The following SLC4A11 variants were observed in gnomAD, a reference collection of about 807,000 sequenced individuals.
The protein encoded by SLC4A11 is solute carrier family 4 member 11, also known as bicarbonate transporter related protein 1.
Under a neutral mutation model 95.0 loss-of-function variants are expected in SLC4A11, and 74 were observed. That is an observed-to-expected ratio of 0.78 (90% CI 0.65 to 0.95). SLC4A11 has a LOEUF of 0.95. Among genes scored for constraint, SLC4A11 ranks in the 40% least tolerant of loss-of-function variants. The pLI is 0.00. For missense variants in SLC4A11, 1,081 were observed against 1,192.4 expected, an observed-to-expected ratio of 0.91 and a Z score of 1.38; for synonymous variants, 548 against 519.0, an observed-to-expected ratio of 1.06 and a Z score of -0.76.
Position 3,231,396 on chromosome 20 carries a change from G to A in SLC4A11, c.882C>T (p.His294=), listed in dbSNP as rs973038358. Residue 294 remains histidine (H), a synonymous_variant, in exon 8 of 20, where the codon CAC becomes CAT. Transcript: ENST00000642402. This position sits in a 1 kb window ranked among gnomAD's most constrained non-coding sequence, Gnocchi z 5.2. ...CCTTCGTTCTCGGCGCCACTGGACC[G>A]TGGCTCACCATGGTGAGCAGCTGTC... ...HQRQLLTMVS[H]GPVAPRTKER... 1.1e-5 allele frequency: 17 copies of A among 1,613,956 alleles called. No homozygotes were observed. Among genetic ancestry groups the A allele is most frequent in the South Asian group, 3.3e-5 (3 of 91,086 alleles).
Position 3,227,490 on chromosome 20 carries a change from TTC to T in SLC4A11, c.*295_*296del. The T allele has an allele frequency of 2.2e-6, 1 of 455,406 alleles. No individual in the cohort carries two copies. Among genetic ancestry groups the T allele is most frequent in the East Asian group, 4.0e-5 (1 of 24,986 alleles). 28.2% of individuals were successfully genotyped at this position (455,406 alleles called of 1,614,324 possible). A position where few individuals can be genotyped will look rare whatever the true frequency, so the allele number is the denominator to read the frequency against. ...TTCCTTACACAATCAAGGAAATGGT[TTC>T]TCTTTCAGGCATCGACTCTTTTATC... is the stretch of plus-strand genomic sequence containing the variant. On this transcript the variant is annotated 3_prime_UTR_variant, in exon 20 of 20. Coordinates refer to ENST00000642402, the MANE Select transcript of SLC4A11 (RefSeq NM_001174089.2).
chr20:3,229,044 C>T lies in SLC4A11; in HGVS notation c.2019-33G>A, dbSNP rs747264771. ...AGACGGGCACTCGTGGACAGAGCCC[C>T]ACAGCAGAGGCCCGGGCCCCGCCCA... On this transcript the variant is annotated intron_variant, in intron 16 of 19. Transcript: ENST00000642402. 2.8e-5 allele frequency: 45 copies of T among 1,599,984 alleles called. No individual in the cohort carries two copies. In the African/African-American group the frequency reaches 5.5e-4, roughly 20 times the overall value.
rs1289360238 is a variant in SLC4A11 at position 3,227,502 on chromosome 20, C to T, written c.*285G>A. ...TCAAGGAAATGGTTTCTCTTTCAGG[C>T]ATCGACTCTTTTATCAAAAGAAAAT... On this transcript the variant is annotated 3_prime_UTR_variant, in exon 20 of 20. Transcript: ENST00000642402. 7 of 490,802 alleles carry T rather than the reference C, an allele frequency of 1.4e-5. No individual in the cohort carries two copies. The highest frequency in any genetic ancestry group is 2.2e-5 in the Non-Finnish European group (6 of 268,500). The allele number at this position is 490,802 out of a possible 1,614,324, so 30.4% of individuals were successfully genotyped here. A position where few individuals can be genotyped will look rare whatever the true frequency, so the allele number is the denominator to read the frequency against.
At position 3,230,754 on chromosome 20, in the gene SLC4A11, C is replaced by T. The variant is rs764539635; in HGVS notation, c.1260G>A (p.Ala420=). The stretch of plus-strand genomic sequence containing the variant: ...CACCCTGGATGTAGAGCGCCAGGGG[C>T]GCGGTGGTCAGCAGAATCACCAATG... ...GQPLVILLTT[A]PLALYIQVIR... The change falls in exon 11 of 20, where the codon GCG becomes GCA. Residue 420 remains alanine (A), a synonymous_variant. Coordinates refer to ENST00000642402, the MANE Select transcript of SLC4A11 (RefSeq NM_001174089.2). The T allele has an allele frequency of 1.7e-5, 28 of 1,613,158 alleles. No individual in the cohort carries two copies. The highest frequency in any genetic ancestry group is 1.6e-4 in the Middle Eastern group (1 of 6,082).
intron 1 of SLC4A11, chr20:3,238,843 A>T: frequency 8.3e-7 from 1 of 1,208,332 alleles, no homozygotes; most frequent in Non-Finnish European, 1.0e-6. Flanking sequence ...AGCTGTTCAA[A>T]CCTGGTAAGA....
intron 19 of SLC4A11, 149 bp from the exon 20 acceptor site, chr20:3,228,005 G>T: frequency 1.7e-6 from 1 of 605,360 alleles, no homozygotes; most frequent in Admixed American, 2.7e-5. Flanking sequence ...TCCACTCCTA[G>T]ACTGGAGCCC....
At chr20:3,230,379 C>T in intron 12 of SLC4A11, 119 bp from the exon 13 acceptor site, 1 of 1,574,962 alleles carries the variant, frequency 6.3e-7, no homozygotes, top group Non-Finnish European at 8.7e-7. Context: ...GCCAGGGCCC[C>T]AGGCCTTGCC....
chr20:3,236,837 C>T (rs926622857), intron 2 of SLC4A11, among the ~76,000 whole-genome samples: 14 of 152,042 alleles, frequency 9.2e-5, no homozygotes, highest in Non-Finnish European at 2.1e-4. Flanking sequence ...AGACTTAGTG[C>T]TCAGGTCCCC....
intron 6 of SLC4A11, 65 bp from the exon 7 acceptor site, chr20:3,233,702 G>C: frequency 3.7e-6 from 6 of 1,601,710 alleles, no homozygotes; most frequent in Non-Finnish European, 5.1e-6. Flanking sequence ...CCCCGACCCA[G>C]AACCCCCTCG....
At position 3,228,827 on chromosome 20, in the gene SLC4A11, C is replaced by T; in HGVS notation, c.2192+11G>A. 2 of 1,613,750 alleles carry T rather than the reference C, an allele frequency of 1.2e-6. No individual in the cohort carries two copies. Among genetic ancestry groups the T allele is most frequent in the Non-Finnish European group, 1.7e-6 (2 of 1,180,028 alleles). On this transcript the variant is annotated intron_variant, in intron 17 of 19. Transcript: ENST00000642402. Reference sequence around the variant, plus strand: ...CTCAGGGTCCACGGCTCTTGCCAGCCTCACACTCACGTGTCATAGATGTGT... The same window carrying T: ...CTCAGGGTCCACGGCTCTTGCCAGCTTCACACTCACGTGTCATAGATGTGT...
chr20:3,229,972 GC>G (rs1169470035), intron 13 of SLC4A11, among the ~76,000 whole-genome samples, 196 bp from the exon 14 acceptor site: 3 of 152,112 alleles, frequency 2.0e-5, no homozygotes, highest in Non-Finnish European at 2.9e-5. Context: ...CAGTGCCTCT[GC>G]CCCCACGGCT....
At chr20:3,230,143 C>T (rs375509761) in intron 13 of SLC4A11, 44 bp downstream of exon 13, 91 of 1,606,880 alleles carry the variant, frequency 5.7e-5, no homozygotes, top group Middle Eastern at 1.6e-4. Flanking sequence ...CCTCCCATCT[C>T]GGCTGAGCGC....
rs771770849 is a variant in SLC4A11, at chr20:3,239,099, C to T, written c.39G>A (p.Pro13=). Residue 13 remains proline (P), a synonymous_variant, in exon 1 of 20, where the codon CCG becomes CCA. Transcript: ENST00000642402. ...AATRRVFHLQ[P]CENSPTMSQN... is the part of the protein sequence containing the mutation. ...CCCCCGGGTTCAGGCACCCACCGCA[C>T]GGCTGCAGATGGAACACGCGCCTGG... is the stretch of plus-strand genomic sequence containing the variant. The T allele has an allele frequency of 8.1e-6, 12 of 1,477,130 alleles. No individual in the cohort carries two copies. Among genetic ancestry groups the T allele is most frequent in the South Asian group, 1.3e-5 (1 of 78,862 alleles). 91.5% of individuals were successfully genotyped at this position (1,477,130 alleles called of 1,614,324 possible).
In SLC4A11 at chr20:3,231,295, G is replaced by A. The variant is rs764795165; in HGVS notation, c.948+35C>T. The A allele has an allele frequency of 2.3e-5, 37 of 1,613,312 alleles. No individual in the cohort carries two copies. In the East Asian group the frequency reaches 6.0e-4, roughly 26 times the overall value. ...GCCCTGTCCGGCCCATGCCCCCGCC[G>A]ACCCTGCCGGCCCCCGCCGGCCTCT... On this transcript the variant is annotated intron_variant, in intron 8 of 19. Transcript: ENST00000642402. The surrounding 1 kb of genome is among the most constrained non-coding windows in gnomAD (Gnocchi z 5.2).
At chr20:3,233,897 G>A (rs774245019) in intron 6 of SLC4A11, 24 bp downstream of exon 6, 4 of 1,610,848 alleles carry the variant, frequency 2.5e-6, no homozygotes, top group South Asian at 2.2e-5. Flanking sequence ...ACAAGAAGGG[G>A]GGCCAAGTGG....
rs770728073 is a variant in SLC4A11 at position 3,239,182 on chromosome 20, G to A, written c.-45C>T. 2.8e-6 allele frequency: 4 copies of A among 1,426,702 alleles called. No individual in the cohort carries two copies. Among genetic ancestry groups the A allele is most frequent in the Admixed American group, 2.6e-5 (1 of 37,832 alleles). 88.4% of individuals were successfully genotyped at this position (1,426,702 alleles called of 1,614,324 possible). On this transcript the variant is annotated 5_prime_UTR_variant, in exon 1 of 20. Coordinates refer to ENST00000642402, the MANE Select transcript of SLC4A11 (RefSeq NM_001174089.2). Reference sequence around the variant, plus strand: ...GGCCGGGCTCCTCACGCGGCGCTCCGGCGCTTCTGGACCCCAAACTCGGCG... The same window carrying A: ...GGCCGGGCTCCTCACGCGGCGCTCCAGCGCTTCTGGACCCCAAACTCGGCG...
In SLC4A11 at chr20:3,233,639, T is replaced by C; in HGVS notation, c.606-2A>G. 1 of 1,612,206 alleles carries C rather than the reference T, an allele frequency of 6.2e-7. No homozygotes were observed. The highest frequency in any genetic ancestry group is 2.2e-5 in the East Asian group (1 of 44,878). On this transcript the variant is annotated splice_acceptor_variant, in intron 6 of 19. Transcript: ENST00000642402. LOFTEE classifies it high-confidence loss of function. ...TTCTGTAGGGCCTTCATGGTACAGC[T>C]GGCAGGGGCGGGGAGGACACAGTGC...
At chr20:3,239,021 CG>C in intron 1 of SLC4A11, 73 bp downstream of exon 1, 2 of 1,443,488 alleles carry the variant, frequency 1.4e-6, no homozygotes, top group Non-Finnish European at 9.1e-7. Flanking sequence ...GCGTTCTCCC[CG>C]GGGTCCCCGA....
chr20:3,229,825 G>T, intron 13 of SLC4A11, 49 bp from the exon 14 acceptor site: 1 of 1,612,848 alleles, frequency 6.2e-7, no homozygotes, highest in Non-Finnish European at 8.5e-7. Context: ...GTGTGGCAGG[G>T]GGAGGCCCTG....
Sources: gnomAD v4.1 joint callset for allele counts (sites outside exome capture counted in the v4.1 genomes callset) on GRCh38, gnomAD v4.1.1 for gene constraint, Gnocchi (gnomAD v3.1) non-coding constraint, MANE v1.5 for transcripts, NCBI Gene and HGNC (gene_info 2026-07-23, HGNC 2026-07-21) for gene names.